Variants in MYH10 observed in about 807,000 individuals in gnomAD.
The protein encoded by MYH10 is myosin-10.
MYH10 carries 55 observed loss-of-function variants against 257.8 expected under a neutral mutation model. That is an observed-to-expected ratio of 0.21 (90% CI 0.17 to 0.27). The LOEUF (loss-of-function observed/expected upper bound fraction) is 0.27, where lower values mean the gene tolerates loss of function less well. Among genes scored for constraint, MYH10 ranks in the 10% least tolerant of loss-of-function variants. The pLI, the probability that MYH10 is intolerant of heterozygous loss-of-function variation, is 1.00. For synonymous variants in MYH10, 854 were observed against 921.7 expected (o/e 0.93, Z 1.33); for missense variants, 1,631 against 2,500.6 (o/e 0.65, Z 7.42).
intron 7 of MYH10, among the ~76,000 whole-genome samples, chr17:8,556,697 C>T (rs1305692621): frequency 2.0e-5 from 3 of 152,216 alleles, no homozygotes; most frequent in Non-Finnish European, 4.4e-5. Flanking sequence ...ATGGTGCTCA[C>T]TACACTACGT....
rs573863460 is a variant in MYH10 at position 8,516,997 on chromosome 17, C to T, written c.2504+1634G>A. ...ACTAAAAAAAATACAAAAAATTAGC[C>T]GGGTGTGGTGGCGGGCGCCTGTAGT... On this transcript the variant is annotated intron_variant, in intron 21 of 42. Coordinates refer to ENST00000360416, the MANE Select transcript of MYH10 (RefSeq NM_001256012.3). 7.4e-4 allele frequency among the ~76,000 whole-genome samples: 113 copies of T among 152,030 alleles called. 1 individual carries two copies. The highest frequency in any genetic ancestry group is 6.2e-4 in the South Asian group (3 of 4,814).
intron 9 of MYH10, 30 bp from the exon 10 acceptor site, chr17:8,548,817 G>T: frequency 6.3e-7 from 1 of 1,576,424 alleles, no homozygotes; most frequent in South Asian, 1.1e-5. Flanking sequence ...AAGAAAATTT[G>T]ATAAATACTC....
Position 8,506,564 on chromosome 17 carries a change from A to G in MYH10, c.3215-75T>C. 2 of 1,480,502 alleles carry G rather than the reference A, an allele frequency of 1.4e-6. No homozygotes were observed. Among genetic ancestry groups the G allele is most frequent in the Admixed American group, 2.2e-5 (1 of 44,820 alleles). 91.7% of individuals were successfully genotyped at this position (1,480,502 alleles called of 1,614,324 possible). A position where few individuals can be genotyped will look rare whatever the true frequency, so the allele number is the denominator to read the frequency against. On this transcript the variant is annotated intron_variant, in intron 26 of 42. Transcript: ENST00000360416. This position sits in a 1 kb window ranked among gnomAD's most constrained non-coding sequence, Gnocchi z 5.0. The stretch of plus-strand genomic sequence containing the variant: ...CAGGAATAAACTAAAATACAGACTG[A>G]TCCAAGTTGAAAATAAGCCATTTTA...
intron 26 of MYH10, among the ~76,000 whole-genome samples, chr17:8,507,027 T>C (rs1414444281): frequency 1.3e-5 from 2 of 152,190 alleles, no homozygotes; most frequent in African/African-American, 4.8e-5. Flanking sequence ...GCCCTAGTGA[T>C]CTATTTCACT....
intron 2 of MYH10, among the ~76,000 whole-genome samples, chr17:8,621,689 G>T (rs527368776): frequency 1.2e-4 from 19 of 152,214 alleles, no homozygotes; most frequent in South Asian, 4.1e-4. Flanking sequence ...CTACCTCATA[G>T]AGAAGAAAAT....
intron 17 of MYH10, 45 bp from the exon 18 acceptor site, chr17:8,521,330 C>T (rs369004462): frequency 9.0e-4 from 1,424 of 1,577,480 alleles, no homozygotes; most frequent in Non-Finnish European, 1.2e-3. Context: ...AAACCTCACT[C>T]GTTAGCAGGG....
Position 8,492,523 on chromosome 17 carries a change from G to C in MYH10, c.4459-14C>G, listed in dbSNP as rs770122493. ...TTCTGCTAACAGCTGTGCAGAAGGG[G>C]ATGGGGGAATACGAAAAACCGAAAC... is the stretch of plus-strand genomic sequence containing the variant. On this transcript the variant is annotated splice_polypyrimidine_tract_variant and intron_variant, in intron 33 of 42. Transcript: ENST00000360416. 3 of 1,595,140 alleles carry C rather than the reference G, an allele frequency of 1.9e-6. No homozygotes were observed. The Admixed American group carries it at 5.2e-5, about 28-fold the overall frequency.
At chr17:8,479,374 A>G (rs1413289986) in intron 40 of MYH10, among the ~76,000 whole-genome samples, 1 of 152,238 alleles carries the variant, frequency 6.6e-6, no homozygotes, top group Non-Finnish European at 1.5e-5. Context: ...AGAAAAAGTT[A>G]TTTTGTTGCT....
intron 5 of MYH10, 99 bp downstream of exon 5, chr17:8,577,137 C>CA (rs1354193484): frequency 1.2e-6 from 1 of 827,292 alleles, no homozygotes; most frequent in Non-Finnish European, 1.9e-6. Flanking sequence ...AGGGAGCTGT[C>CA]AGTTATAGCA....
intron 4 of MYH10, among the ~76,000 whole-genome samples, chr17:8,584,230 C>T (rs920464378): frequency 1.2e-4 from 18 of 152,116 alleles, no homozygotes; most frequent in African/African-American, 3.1e-4. Flanking sequence ...AAAAGGTTAC[C>T]TGGGGAACTA....
chr17:8,510,039 A>T, intron 24 of MYH10, 90 bp from the exon 25 acceptor site: 1 of 1,076,518 alleles, frequency 9.3e-7, no homozygotes, highest in South Asian at 2.2e-5. Context: ...ATGAGATACT[A>T]ATTTTTTTTT....
intron 14 of MYH10, among the ~76,000 whole-genome samples, chr17:8,537,720 C>T (rs1255748643): frequency 1.3e-5 from 2 of 152,218 alleles, no homozygotes; most frequent in East Asian, 3.8e-4. Context: ...AATTCTGACA[C>T]AGTATCTCAA....
At chr17:8,572,261 TGAGA>T (rs66710491) in intron 6 of MYH10, among the ~76,000 whole-genome samples, 74,158 of 146,904 alleles carry the variant, frequency 0.5, 19,165 homozygotes, top group Middle Eastern at 0.62. Flanking sequence ...TGTGTGTGAG[TGAGA>T]GAGAGAGAGA....
chr17:8,492,550 G>T lies in MYH10; in HGVS notation c.4459-41C>A, dbSNP rs367577402. The T allele has an allele frequency of 7.0e-6, 11 of 1,564,582 alleles. No individual in the cohort carries two copies. In the African/African-American group the frequency reaches 1.5e-4, roughly 21 times the overall value. ...TGGGGGAATACGAAAAACCGAAACA[G>T]TGACATCAACTTTTCTCTTCCACCA... On this transcript the variant is annotated intron_variant, in intron 33 of 42. Coordinates refer to ENST00000360416, the MANE Select transcript of MYH10 (RefSeq NM_001256012.3).
chr17:8,571,133 C>G (rs1316305015), intron 6 of MYH10, among the ~76,000 whole-genome samples: 2 of 151,850 alleles, frequency 1.3e-5, no homozygotes, highest in Non-Finnish European at 2.9e-5. Flanking sequence ...CTTCTGTTTT[C>G]CTCACTTCAA....
intron 16 of MYH10, among the ~76,000 whole-genome samples, chr17:8,531,753 A>G (rs1210973702): frequency 6.6e-6 from 1 of 152,176 alleles, no homozygotes; most frequent in Non-Finnish European, 1.5e-5. Flanking sequence ...CAGGCAAACT[A>G]TATTCATATA....
intron 34 of MYH10, among the ~76,000 whole-genome samples, chr17:8,491,503 T>C (rs993018766): frequency 3.9e-5 from 6 of 152,204 alleles, no homozygotes; most frequent in South Asian, 2.1e-4. Flanking sequence ...AGATGGCCCA[T>C]AGCACATGAA....
At chr17:8,556,889 G>A (rs1243345284) in intron 7 of MYH10, among the ~76,000 whole-genome samples, 12 of 152,058 alleles carry the variant, frequency 7.9e-5, no homozygotes, top group Non-Finnish European at 7.4e-5. Flanking sequence ...GATGACATTC[G>A]GATCTGTGAA....
At chr17:8,572,433 A>G (rs1238386369) in intron 6 of MYH10, among the ~76,000 whole-genome samples, 4 of 152,070 alleles carry the variant, frequency 2.6e-5, no homozygotes, top group South Asian at 2.1e-4. Context: ...CGGGTGTCCA[A>G]CTCTTTAAAT....
Sources: allele counts gnomAD v4.1 joint callset (sites outside exome capture counted in the v4.1 genomes callset), GRCh38; gene constraint gnomAD v4.1.1; non-coding constraint Gnocchi (gnomAD v3.1); transcripts MANE v1.5; gene names NCBI Gene and HGNC (gene_info 2026-07-23, HGNC 2026-07-21).